PCDH15: variants seen among roughly 807,000 people sequenced by gnomAD.
PCDH15 encodes the protein protocadherin related 15, also known as protocadherin-15.
A neutral mutation model predicts 178.5 loss-of-function variants in PCDH15; 129 were observed. That is an observed-to-expected ratio of 0.72 (90% CI 0.63 to 0.84). The LOEUF (loss-of-function observed/expected upper bound fraction) is 0.84. Among genes scored for constraint, PCDH15 ranks in the 40% least tolerant of loss-of-function variants. PCDH15 has a pLI of 0.00. For missense variants in PCDH15, 2,230 were observed against 2,099.9 expected (o/e 1.06, Z -1.21); for synonymous variants, 800 against 732.0 (o/e 1.09, Z -1.50).
At chr10:55,161,909 C>T (rs180706396) in intron 2 of PCDH15, among the ~76,000 whole-genome samples, 2 of 152,242 alleles carry the variant, frequency 1.3e-5, no homozygotes, top group Non-Finnish European at 2.9e-5. Context: ...GCTTATTATT[C>T]TAGTAATTTT....
chr10:54,592,015 G>A (rs1590331294), intron 2 of PCDH15, among the ~76,000 whole-genome samples: 3 of 151,942 alleles, frequency 2.0e-5, no homozygotes, highest in South Asian at 2.1e-4. Context: ...TTCCAAAAAA[G>A]CTATGACCTA....
chr10:54,367,261 A>G (rs1946946972), intron 5 of PCDH15, among the ~76,000 whole-genome samples: 1 of 152,112 alleles, frequency 6.6e-6, no homozygotes, highest in South Asian at 2.1e-4. Context: ...ATTATGGAAA[A>G]GCTTGAAGGT....
At chr10:55,056,486 G>A (rs957983080) in intron 2 of PCDH15, among the ~76,000 whole-genome samples, 2 of 150,774 alleles carry the variant, frequency 1.3e-5, no homozygotes, top group Admixed American at 6.6e-5. Flanking sequence ...AATTTAAGTA[G>A]GTGCTCCTCA....
At chr10:55,045,901 A>G (rs1054677725) in intron 2 of PCDH15, among the ~76,000 whole-genome samples, 5 of 149,318 alleles carry the variant, frequency 3.3e-5, no homozygotes, top group Non-Finnish European at 5.9e-5. Flanking sequence ...TTTCACTTGG[A>G]AAAAAAAGGT....
At chr10:54,286,533 A>G (rs1433066162) in intron 8 of PCDH15, among the ~76,000 whole-genome samples, 1 of 152,208 alleles carries the variant, frequency 6.6e-6, no homozygotes, top group Non-Finnish European at 1.5e-5. Context: ...GAACACAATA[A>G]AAGCTTGAGT....
chr10:55,014,472 G>T (rs1347851239), intron 2 of PCDH15, among the ~76,000 whole-genome samples: 1 of 150,824 alleles, frequency 6.6e-6, no homozygotes, highest in Non-Finnish European at 1.5e-5. Flanking sequence ...ATAAAGAAAT[G>T]ATGCTTATAA....
chr10:53,942,529 G>A (rs182907946), intron 23 of PCDH15, among the ~76,000 whole-genome samples: 86 of 152,214 alleles, frequency 5.6e-4, no homozygotes, highest in African/African-American at 7.5e-4. Flanking sequence ...CTAGATTCTC[G>A]CTAGCCAACT....
chr10:54,727,291 G>A (rs748332947), intron 1 of PCDH15, among the ~76,000 whole-genome samples: 9 of 150,988 alleles, frequency 6.0e-5, no homozygotes, highest in Middle Eastern at 3.2e-3. Flanking sequence ...ATCAATACAC[G>A]GGAGATCTCT....
chr10:54,919,393 CT>C (rs1407324579), intron 2 of PCDH15, among the ~76,000 whole-genome samples: 1 of 152,120 alleles, frequency 6.6e-6, no homozygotes, highest in East Asian at 1.9e-4. Flanking sequence ...CTCTATTAGC[CT>C]GAAAGAATTT....
chr10:54,535,350 G>T (rs1490164825), intron 2 of PCDH15, among the ~76,000 whole-genome samples: 2 of 151,688 alleles, frequency 1.3e-5, no homozygotes, highest in African/African-American at 4.8e-5. Context: ...ATTCTAACTG[G>T]TCTATCAACA....
intron 1 of PCDH15, among the ~76,000 whole-genome samples, chr10:54,708,883 A>C (rs1369900221): frequency 1.3e-5 from 2 of 152,054 alleles, no homozygotes; most frequent in Non-Finnish European, 2.9e-5. Flanking sequence ...AACGAGCAAT[A>C]ATAGCTCTAA....
At chr10:55,412,404 G>A (rs1392911444) in intron 2 of PCDH15, among the ~76,000 whole-genome samples, 4 of 151,922 alleles carry the variant, frequency 2.6e-5, no homozygotes, top group Non-Finnish European at 5.9e-5. Context: ...ACTGTACCTA[G>A]AATGCTTGAT....
intron 1 of PCDH15, among the ~76,000 whole-genome samples, chr10:54,738,535 G>A (rs1944401189): frequency 6.6e-6 from 1 of 151,868 alleles, no homozygotes; most frequent in Admixed American, 6.6e-5. Context: ...TTGAAGTGGA[G>A]GGAATACTTC....
intron 14 of PCDH15, among the ~76,000 whole-genome samples, chr10:54,140,661 G>T (rs1022617654): frequency 2.0e-5 from 3 of 151,464 alleles, no homozygotes; most frequent in Admixed American, 6.6e-5. Flanking sequence ...TAGAGATGGG[G>T]CTTCACCATG....
chr10:54,817,530 GC>G (rs1952967684), intron 3 of PCDH15, among the ~76,000 whole-genome samples: 1 of 151,824 alleles, frequency 6.6e-6, no homozygotes, highest in Non-Finnish European at 1.5e-5. Context: ...CTGTGACCTC[GC>G]CCATCACCTC....
intron 2 of PCDH15, chr10:54,599,958 G>T: frequency 9.7e-7 from 1 of 1,034,868 alleles, no homozygotes; most frequent in East Asian, 2.7e-5. Context: ...ACACCAAGGT[G>T]GAAAAGCCAG....
At chr10:54,812,708 C>T (rs535328394) in intron 3 of PCDH15, among the ~76,000 whole-genome samples, 2 of 152,210 alleles carry the variant, frequency 1.3e-5, no homozygotes, top group African/African-American at 4.8e-5. Flanking sequence ...CCGCCTGCCT[C>T]GGCCTCCCAA....
At chr10:54,028,265 A>G (rs1208974563) in intron 18 of PCDH15, among the ~76,000 whole-genome samples, 10 of 150,060 alleles carry the variant, frequency 6.7e-5, no homozygotes, top group Admixed American at 1.3e-4. Context: ...TTAGAATGGC[A>G]ATCATTAAAA....
At chr10:55,039,353 A>C (rs1209730587) in intron 2 of PCDH15, among the ~76,000 whole-genome samples, 4 of 152,234 alleles carry the variant, frequency 2.6e-5, no homozygotes, top group Admixed American at 1.3e-4. Context: ...AATGAGAAAA[A>C]AATGAATCTT....
Sources: allele counts gnomAD v4.1 joint callset (sites outside exome capture counted in the v4.1 genomes callset), GRCh38; gene constraint gnomAD v4.1.1; transcripts MANE v1.5; gene names NCBI Gene and HGNC (gene_info 2026-07-23, HGNC 2026-07-21).